PDE7A: variants seen among roughly 807,000 people sequenced by gnomAD.
PDE7A encodes phosphodiesterase 7A.
A neutral mutation model predicts 64.3 loss-of-function variants in PDE7A; 39 were observed. That is an observed-to-expected ratio of 0.61 (90% CI 0.47 to 0.79). The LOEUF is 0.79. Among genes scored for constraint, PDE7A ranks in the 30% least tolerant of loss-of-function variants. The pLI is 0.00. For missense variants in PDE7A, 470 were observed against 582.8 expected (o/e 0.81, Z 1.99); for synonymous variants, 203 against 206.8 (o/e 0.98, Z 0.16).
intron 5 of PDE7A, among the ~76,000 whole-genome samples, chr8:65,744,000 T>G (rs1249626595): frequency 6.6e-6 from 1 of 152,148 alleles, no homozygotes; most frequent in African/African-American, 2.4e-5. Flanking sequence ...ACCCAGCCAA[T>G]GTTTGTATTT....
intron 1 of PDE7A, among the ~76,000 whole-genome samples, chr8:65,831,879 C>T (rs1810830748): frequency 1.3e-5 from 2 of 152,094 alleles, no homozygotes; most frequent in Admixed American, 1.3e-4. Flanking sequence ...AAAAGAGATT[C>T]ATGTTAATAC....
chr8:65,763,589 T>C (rs1183088153), intron 3 of PDE7A, among the ~76,000 whole-genome samples: 2 of 152,108 alleles, frequency 1.3e-5, no homozygotes, highest in Non-Finnish European at 2.9e-5. Context: ...TTGATTACTC[T>C]TATTGTTATG....
intron 1 of PDE7A, among the ~76,000 whole-genome samples, chr8:65,804,710 T>C (rs1278955979): frequency 6.6e-6 from 1 of 151,928 alleles, no homozygotes; most frequent in African/African-American, 2.4e-5. Context: ...GCTAGCTTTT[T>C]CTATTTTTAG....
At chr8:65,759,467 C>T (rs1808393387) in intron 3 of PDE7A, among the ~76,000 whole-genome samples, 1 of 152,182 alleles carries the variant, frequency 6.6e-6, no homozygotes, top group Admixed American at 6.5e-5. Flanking sequence ...CATATCCCCA[C>T]AGGCCACAGG....
intron 5 of PDE7A, among the ~76,000 whole-genome samples, chr8:65,744,354 T>C (rs984311660): frequency 2.6e-5 from 4 of 152,140 alleles, no homozygotes; most frequent in African/African-American, 7.2e-5. Context: ...TACTAAAAGG[T>C]AGAACTGCCT....
intron 1 of PDE7A, among the ~76,000 whole-genome samples, chr8:65,790,214 G>A (rs971772664): frequency 6.6e-6 from 1 of 152,232 alleles, no homozygotes; most frequent in Non-Finnish European, 1.5e-5. Flanking sequence ...GCCAGATGAC[G>A]CTGCAGCCCT....
intron 4 of PDE7A, among the ~76,000 whole-genome samples, chr8:65,746,662 G>GA (rs1483497736): frequency 7.9e-5 from 12 of 152,160 alleles, no homozygotes; most frequent in African/African-American, 2.9e-4. Flanking sequence ...ACACTGACAT[G>GA]AGCAACACTA....
chr8:65,829,781 T>C (rs1045654302), intron 1 of PDE7A, among the ~76,000 whole-genome samples: 2 of 151,960 alleles, frequency 1.3e-5, no homozygotes, highest in African/African-American at 4.8e-5. Context: ...CCAGAACTAG[T>C]AACAATCAAA....
rs149763821 is a variant in PDE7A at position 65,716,795 on chromosome 8, CTGAGT to C, written c.*2490_*2494del. The stretch of plus-strand genomic sequence containing the variant: ...ACAGTGGGCCTGAATTTTTAAGGAT[CTGAGT>C]TATCAGACTTTCTGTACACATTAAA... On this transcript the variant is annotated 3_prime_UTR_variant, in exon 13 of 13. Transcript: ENST00000401827. Among the ~76,000 whole-genome samples, 3,377 of 152,264 alleles carry C rather than the reference CTGAGT, an allele frequency of 0.022. 56 individuals carry two copies. Among genetic ancestry groups the C allele is most frequent in the Middle Eastern group, 0.044 (13 of 294 alleles).
intron 1 of PDE7A, among the ~76,000 whole-genome samples, chr8:65,803,042 C>G (rs1810032601): frequency 6.6e-6 from 1 of 152,156 alleles, no homozygotes; most frequent in African/African-American, 2.4e-5. Context: ...GAGGCTTCAC[C>G]AGAAGCCAAA....
At chr8:65,799,604 G>T (rs1192251403) in intron 1 of PDE7A, among the ~76,000 whole-genome samples, 1 of 152,174 alleles carries the variant, frequency 6.6e-6, no homozygotes. Flanking sequence ...AATGTGACGG[G>T]ATTTAAGAGG....
Position 65,841,995 on chromosome 8 carries a change from G to T in PDE7A, c.-487C>A. 1 of 229,150 alleles carries T rather than the reference G, an allele frequency of 4.4e-6. No individual in the cohort carries two copies. Among genetic ancestry groups the T allele is most frequent in the Non-Finnish European group, 8.3e-6 (1 of 120,560 alleles). 14.2% of individuals were successfully genotyped at this position (229,150 alleles called of 1,614,324 possible). A position where few individuals can be genotyped will look rare whatever the true frequency, so the allele number is the denominator to read the frequency against. On this transcript the variant is annotated 5_prime_UTR_variant, in exon 1 of 13. Coordinates refer to ENST00000401827, the MANE Select transcript of PDE7A (RefSeq NM_001242318.3). Reference sequence around the variant, plus strand: ...GCCGCCGCCGCCGCCGCCGCCGCCGGAGTCCTGCTCCTCCCCTCCCCCGGA... The same window carrying T: ...GCCGCCGCCGCCGCCGCCGCCGCCGTAGTCCTGCTCCTCCCCTCCCCCGGA...
At chr8:65,761,233 T>A (rs13251608) in intron 3 of PDE7A, among the ~76,000 whole-genome samples, 56,174 of 151,686 alleles carry the variant, frequency 0.37, 12,885 homozygotes, top group Non-Finnish European at 0.53. Context: ...GCCCAGCTAA[T>A]GTTTGTATTT....
chr8:65,719,784 A>C (rs911049186), intron 12 of PDE7A: 7 of 384,966 alleles, frequency 1.8e-5, no homozygotes, highest in Non-Finnish European at 2.9e-5. Context: ...TCTTCTACTT[A>C]AGCAAAAATA....
At chr8:65,728,656 T>C (rs1806709295) in intron 7 of PDE7A, 1 of 120,644 alleles carries the variant, frequency 8.3e-6, no homozygotes, top group Admixed American at 8.7e-5. Context: ...ATACTGCATA[T>C]AAAGCAATCT....
intron 1 of PDE7A, among the ~76,000 whole-genome samples, chr8:65,791,206 G>T (rs568263966): frequency 5.9e-5 from 9 of 152,330 alleles, no homozygotes; most frequent in Admixed American, 3.3e-4. Context: ...TCACTGAAAT[G>T]AATTTCTATC....
chr8:65,748,827 G>C (rs1807803008), intron 3 of PDE7A, among the ~76,000 whole-genome samples: 1 of 152,186 alleles, frequency 6.6e-6, no homozygotes, highest in Admixed American at 6.5e-5. Context: ...ACAAGTCAGA[G>C]ACACAGCAGG....
intron 3 of PDE7A, among the ~76,000 whole-genome samples, chr8:65,749,635 C>A (rs570803601): frequency 6.6e-6 from 1 of 152,268 alleles, no homozygotes; most frequent in East Asian, 1.9e-4. Context: ...TAAAAAGAAT[C>A]TCATTTAGCC....
At chr8:65,801,578 A>G (rs1809987786) in intron 1 of PDE7A, among the ~76,000 whole-genome samples, 1 of 152,130 alleles carries the variant, frequency 6.6e-6, no homozygotes, top group South Asian at 2.1e-4. Context: ...ACAATGAGCA[A>G]TAATCATTAT....
Sources: gnomAD v4.1 joint callset for allele counts (sites outside exome capture counted in the v4.1 genomes callset) on GRCh38, gnomAD v4.1.1 for gene constraint, MANE v1.5 for transcripts, NCBI Gene and HGNC (gene_info 2026-07-23, HGNC 2026-07-21) for gene names.